The following GABRA3 variants were observed in gnomAD, a reference collection of about 807,000 sequenced individuals.
The protein encoded by GABRA3 is gamma-aminobutyric acid receptor subunit alpha-3.
In GABRA3, 10 loss-of-function variants were observed where a neutral mutation model predicts 30.1. The ratio of observed to expected loss-of-function variants is 0.33; its 90% CI spans 0.20 to 0.56. GABRA3 has a LOEUF of 0.56. Ranked by LOEUF, GABRA3 falls within the 20% of genes least tolerant of loss-of-function variation. The pLI is 0.89. For synonymous variants in GABRA3, 151 were observed against 146.8 expected (o/e 1.03, Z -0.21); for missense variants, 233 against 392.0 (o/e 0.59, Z 3.42).
At chrX:152,224,725 A>C (rs761589039) in intron 6 of GABRA3, 38 bp downstream of exon 6, 11 of 591,015 alleles carry the variant, frequency 1.9e-5, no homozygotes, top group Middle Eastern at 3.8e-4. Flanking sequence ...AAGATCAGGC[A>C]AAAAAAAAAG....
intron 1 of GABRA3, among the ~76,000 whole-genome samples, chrX:152,383,902 G>T (rs990377864): frequency 2.9e-5 from 3 of 105,181 alleles, no homozygotes; most frequent in Non-Finnish European, 5.8e-5. Context: ...TAATGGAAAG[G>T]AAGAGGCGAA....
chrX:152,293,467 G>C (rs1939462291), intron 3 of GABRA3, among the ~76,000 whole-genome samples: 1 of 110,534 alleles, frequency 9.0e-6, no homozygotes, highest in South Asian at 3.9e-4. Flanking sequence ...ACGTGAGATG[G>C]GTCTCCTGAA....
intron 3 of GABRA3, among the ~76,000 whole-genome samples, chrX:152,301,380 C>G: frequency 9.0e-6 from 1 of 111,642 alleles, no homozygotes; most frequent in South Asian, 3.8e-4. Context: ...TCTTTGGGCT[C>G]AAGAGAAATA....
intron 3 of GABRA3, among the ~76,000 whole-genome samples, chrX:152,302,914 T>C (rs915265866): frequency 6.3e-5 from 7 of 111,933 alleles, no homozygotes; most frequent in African/African-American, 2.3e-4. Context: ...CATGATTTTA[T>C]TCTTTTATGA....
chrX:152,345,709 C>T lies in GABRA3; in HGVS notation c.141-7G>A. 8.7e-7 allele frequency: 1 copy of T among 1,150,278 alleles called. No individual in the cohort carries two copies. The highest frequency in any genetic ancestry group is 1.1e-6 in the Non-Finnish European group (1 of 871,816). 94.8% of individuals were successfully genotyped at this position (1,150,278 alleles called of 1,213,427 possible). A position where few individuals can be genotyped will look rare whatever the true frequency, so the allele number is the denominator to read the frequency against. On this transcript the variant is annotated splice_region_variant and splice_polypyrimidine_tract_variant and intron_variant, in intron 2 of 9. Coordinates refer to ENST00000370314, the MANE Select transcript of GABRA3 (RefSeq NM_000808.4). ...GGCATGCTTAGGAGACAGCCTGAGG[C>T]AATGCAAGGAAAAGAAAAAAAATAA... is the stretch of plus-strand genomic sequence containing the variant.
intron 3 of GABRA3, among the ~76,000 whole-genome samples, chrX:152,291,349 G>C (rs1939412964): frequency 9.0e-6 from 1 of 111,608 alleles, no homozygotes; most frequent in Admixed American, 9.5e-5. Flanking sequence ...TGTGATTTTT[G>C]CACATTGATT....
intron 1 of GABRA3, among the ~76,000 whole-genome samples, chrX:152,401,266 G>GTATATATATATATATATA (rs747896105): frequency 1.6e-4 from 16 of 97,308 alleles, no homozygotes; most frequent in African/African-American, 6.4e-4. Context: ...TTTAATGTGT[G>GTATATATATATATATATA]TATATATATA....
intron 5 of GABRA3, among the ~76,000 whole-genome samples, chrX:152,239,926 G>C (rs972266918): frequency 2.0e-5 from 2 of 101,084 alleles, no homozygotes; most frequent in Non-Finnish European, 3.9e-5. Context: ...ACAGCACACT[G>C]ATGGGTCTTG....
intron 3 of GABRA3, among the ~76,000 whole-genome samples, chrX:152,325,754 G>A (rs1940045341): frequency 8.9e-6 from 1 of 111,814 alleles, no homozygotes; most frequent in East Asian, 2.8e-4. Context: ...AGAAACCAGA[G>A]CAGAAAAGCT....
At chrX:152,417,432 G>A (rs1219688819) in intron 1 of GABRA3, among the ~76,000 whole-genome samples, 1 of 110,367 alleles carries the variant, frequency 9.1e-6, no homozygotes, top group African/African-American at 3.3e-5. Flanking sequence ...TGGTGGGACT[G>A]TAAATTAGTT....
intron 3 of GABRA3, among the ~76,000 whole-genome samples, chrX:152,331,389 T>C (rs754165836): frequency 3.6e-4 from 40 of 110,999 alleles, no homozygotes; most frequent in African/African-American, 1.2e-3. Context: ...GGAAAAAATT[T>C]GGAAGTTTCT....
Position 152,287,334 on chromosome X carries a change from C to G in GABRA3, c.263-2599G>C, listed in dbSNP as rs962271157. ...TCCAAATCTCACCTTGAATTGTAAT[C>G]CCCATAATTCCCATGTGTCAAGGCG... On this transcript the variant is annotated intron_variant, in intron 3 of 9. Transcript: ENST00000370314. 3.6e-5 allele frequency among the ~76,000 whole-genome samples: 4 copies of G among 110,992 alleles called. No individual in the cohort carries two copies. The Admixed American group carries it at 3.9e-4, about 11-fold the overall frequency.
chrX:152,246,588 C>T (rs1424577943), intron 5 of GABRA3, among the ~76,000 whole-genome samples: 1 of 111,479 alleles, frequency 9.0e-6, no homozygotes, highest in Non-Finnish European at 1.9e-5. Flanking sequence ...CCTGTCTTTC[C>T]TCCTAAGATA....
intron 5 of GABRA3, among the ~76,000 whole-genome samples, chrX:152,244,034 T>C (rs1044177022): frequency 8.9e-6 from 1 of 112,321 alleles, no homozygotes. Context: ...TCTTACTGTA[T>C]GATTTGCTGA....
intron 7 of GABRA3, among the ~76,000 whole-genome samples, chrX:152,206,450 T>C (rs764502526): frequency 9.0e-6 from 1 of 111,643 alleles, no homozygotes; most frequent in South Asian, 3.8e-4. Context: ...AAATGGCTCC[T>C]CTCCCTCCTT....
intron 7 of GABRA3, among the ~76,000 whole-genome samples, chrX:152,204,118 A>T (rs903205509): frequency 9.0e-6 from 1 of 111,481 alleles, no homozygotes; most frequent in African/African-American, 3.3e-5. Context: ...TACTAGGAGG[A>T]AAGGAGAGGT....
At chrX:152,190,043 C>T in intron 8 of GABRA3, 102 bp from the exon 9 acceptor site, 1 of 542,088 alleles carries the variant, frequency 1.8e-6, no homozygotes, top group Non-Finnish European at 2.9e-6. Flanking sequence ...CTTTACCCCA[C>T]TCAAAATGGC....
chrX:152,378,749 CTAAAT>C (rs1347038396), intron 1 of GABRA3, among the ~76,000 whole-genome samples: 1 of 111,084 alleles, frequency 9.0e-6, no homozygotes, highest in Non-Finnish European at 1.9e-5. Context: ...GTGATTAAAA[CTAAAT>C]TAACTACATA....
At chrX:152,220,845 GTGTGCA>G in intron 6 of GABRA3, among the ~76,000 whole-genome samples, 1 of 110,754 alleles carries the variant, frequency 9.0e-6, no homozygotes, top group East Asian at 2.9e-4. Context: ...GTCTGTGCCT[GTGTGCA>G]TGTGCATGTG....
Sources: allele counts gnomAD v4.1 joint callset (sites outside exome capture counted in the v4.1 genomes callset), GRCh38; gene constraint gnomAD v4.1.1; transcripts MANE v1.5; gene names NCBI Gene and HGNC (gene_info 2026-07-23, HGNC 2026-07-21).